Variants in CCDC50 observed in about 807,000 individuals in gnomAD.
The protein encoded by CCDC50 is coiled-coil domain-containing protein 50.
CCDC50 carries 54 observed loss-of-function variants against 70.2 expected under a neutral mutation model. The ratio of observed to expected loss-of-function variants is 0.77; its 90% CI spans 0.62 to 0.96. The LOEUF is 0.96. Ranked by LOEUF, CCDC50 falls within the 50% of genes least tolerant of loss-of-function variation. The probability of loss-of-function intolerance (pLI) is 0.00; values close to 1 mark genes in which losing one functional copy is unlikely to be tolerated. For synonymous variants in CCDC50, 216 were observed against 198.8 expected, an observed-to-expected ratio of 1.09 and a Z score of -0.73; for missense variants, 558 against 578.7, an observed-to-expected ratio of 0.96 and a Z score of 0.37.
rs752875351 is a variant in CCDC50, at chr3:191,375,474, C to T, written c.861C>T (p.Cys287=). 6 of 1,613,538 alleles carry T rather than the reference C, an allele frequency of 3.7e-6. No individual in the cohort carries two copies. In the African/African-American group the frequency reaches 8.0e-5, roughly 22 times the overall value. ...PKSSQKAGLH[C]KEVVYGRDHG... ...CCTCACAAAAAGCAGGGCTTCACTG[C>T]AAGGAAGTTGTATATGGGAGGGACC... The change falls in exon 6 of 12, where the codon TGC becomes TGT. Residue 287 remains cysteine, a synonymous_variant. Coordinates refer to ENST00000392455, the MANE Select transcript of CCDC50 (RefSeq NM_178335.3).
At chr3:191,377,360 G>A (rs1378919100) in intron 6 of CCDC50, among the ~76,000 whole-genome samples, 5 of 152,126 alleles carry the variant, frequency 3.3e-5, no homozygotes, top group African/African-American at 4.8e-5. Context: ...AGGATGACAC[G>A]GAGCTGGTTC....
chr3:191,334,434 A>C (rs1718078853), intron 1 of CCDC50, among the ~76,000 whole-genome samples: 1 of 152,190 alleles, frequency 6.6e-6, no homozygotes, highest in African/African-American at 2.4e-5. Context: ...ACACGTGGGA[A>C]ACCATAGTTA....
In CCDC50 at chr3:191,329,670, C is replaced by T. The variant is rs369650091; in HGVS notation, c.-5C>T. The T allele has an allele frequency of 4.4e-6, 7 of 1,608,692 alleles. No homozygotes were observed. The highest frequency in any genetic ancestry group is 5.9e-6 in the Non-Finnish European group (7 of 1,178,192). On this transcript the variant is annotated 5_prime_UTR_variant, in exon 1 of 12. Coordinates refer to ENST00000392455, the MANE Select transcript of CCDC50 (RefSeq NM_178335.3). Reference sequence around the variant, plus strand: ...TTAAAGGGGCAACCGGGACCCTGGCCCGGTATGGCTGAAGTCAGCATCGAC... The same window carrying T: ...TTAAAGGGGCAACCGGGACCCTGGCTCGGTATGGCTGAAGTCAGCATCGAC...
intron 10 of CCDC50, among the ~76,000 whole-genome samples, chr3:191,384,369 A>T (rs553102994): frequency 2.0e-5 from 3 of 152,294 alleles, no homozygotes; most frequent in Admixed American, 2.0e-4. Flanking sequence ...GCATATGTAG[A>T]TACCTTGCAC....
At chr3:191,332,199 T>C (rs1036891036) in intron 1 of CCDC50, among the ~76,000 whole-genome samples, 1 of 152,164 alleles carries the variant, frequency 6.6e-6, no homozygotes, top group Non-Finnish European at 1.5e-5. Context: ...TAAGGGGATA[T>C]TTAAAAATCT....
rs1050823916 is a variant in CCDC50, at chr3:191,395,453, G to A, written c.*3693G>A. 2.0e-5 allele frequency: 3 copies of A among 152,108 alleles called. No individual in the cohort carries two copies. Among genetic ancestry groups the A allele is most frequent in the Non-Finnish European group, 2.9e-5 (2 of 67,998 alleles). The allele number at this position is 152,108 out of a possible 1,614,324, so 9.4% of individuals were successfully genotyped here. Reference sequence around the variant, plus strand: ...ACATTTTAAGTCCTAGATTTTTTATGTCTTGCCTTTGTATAAGCATCGCTT... The same window carrying A: ...ACATTTTAAGTCCTAGATTTTTTATATCTTGCCTTTGTATAAGCATCGCTT... On this transcript the variant is annotated 3_prime_UTR_variant, in exon 12 of 12. Transcript: ENST00000392455.
In CCDC50 at chr3:191,395,607, A is replaced by T. The variant is rs894180406; in HGVS notation, c.*3847A>T. On this transcript the variant is annotated 3_prime_UTR_variant, in exon 12 of 12. Coordinates refer to ENST00000392455, the MANE Select transcript of CCDC50 (RefSeq NM_178335.3). ...GTGTAAACAGCTTTCTGAAGGACTG[A>T]TAATAGAATAGAACTTGCAGCCAAA... 2.0e-5 allele frequency: 3 copies of T among 152,198 alleles called. No individual in the cohort carries two copies. Among genetic ancestry groups the T allele is most frequent in the African/African-American group, 7.2e-5 (3 of 41,474 alleles). 9.4% of individuals were successfully genotyped at this position (152,198 alleles called of 1,614,324 possible).
At chr3:191,353,999 G>T (rs1436933128) in intron 1 of CCDC50, among the ~76,000 whole-genome samples, 1 of 152,114 alleles carries the variant, frequency 6.6e-6, no homozygotes, top group Non-Finnish European at 1.5e-5. Flanking sequence ...TCATTATGAG[G>T]AGTCATCAAG....
chr3:191,381,807 G>T (rs996672460), intron 9 of CCDC50, among the ~76,000 whole-genome samples: 1 of 152,018 alleles, frequency 6.6e-6, no homozygotes, highest in African/African-American at 2.4e-5. Flanking sequence ...GGTGTTTAGC[G>T]CTGGTCTCTC....
chr3:191,366,070 A>G (rs989606237), intron 4 of CCDC50, among the ~76,000 whole-genome samples: 26 of 152,160 alleles, frequency 1.7e-4, no homozygotes, highest in Admixed American at 1.6e-3. Context: ...TACTTGGGAA[A>G]GATGTGTGGG....
At chr3:191,331,128 AG>A (rs1389064539) in intron 1 of CCDC50, among the ~76,000 whole-genome samples, 1 of 152,044 alleles carries the variant, frequency 6.6e-6, no homozygotes, top group African/African-American at 2.4e-5. Flanking sequence ...TTTGGATATG[AG>A]GGTTTTTTGT....
rs1235777071 is a variant in CCDC50 at position 191,394,678 on chromosome 3, A to T, written c.*2918A>T. The stretch of plus-strand genomic sequence containing the variant: ...GCACAATATATGACGGAGCCTTATC[A>T]TAAGGCTGCTTGACATAGACACCCA... On this transcript the variant is annotated 3_prime_UTR_variant, in exon 12 of 12. Coordinates refer to ENST00000392455, the MANE Select transcript of CCDC50 (RefSeq NM_178335.3). The T allele has an allele frequency of 2.6e-5, 4 of 152,192 alleles. No homozygotes were observed. Among genetic ancestry groups the T allele is most frequent in the Non-Finnish European group, 4.4e-5 (3 of 68,008 alleles). The allele number at this position is 152,192 out of a possible 1,614,324, so 9.4% of individuals were successfully genotyped here. A position where few individuals can be genotyped will look rare whatever the true frequency, so the allele number is the denominator to read the frequency against.
chr3:191,362,388 G>C (rs185622923), intron 4 of CCDC50, among the ~76,000 whole-genome samples: 2 of 151,988 alleles, frequency 1.3e-5, no homozygotes, highest in African/African-American at 4.8e-5. Flanking sequence ...GCCTCCCAAA[G>C]CACTGGAATT....
Position 191,375,228 on chromosome 3 carries a change from A to T in CCDC50, c.615A>T (p.Ser205=). 6.2e-7 allele frequency: 1 copy of T among 1,613,820 alleles called. No homozygotes were observed. The highest frequency in any genetic ancestry group is 8.5e-7 in the Non-Finnish European group (1 of 1,179,820). ...ATTGTTCATCGAAGAGATCCCTGTC[A>T]TCCTCTAGCTCGGGCAAAGGGAGGG... ...EQHCSSKRSL[S]SSSSGKGRDN... The change falls in exon 6 of 12, where the codon TCA becomes TCT. Residue 205 remains serine (S), a synonymous_variant. Transcript: ENST00000392455.
In CCDC50 at chr3:191,387,603, A is replaced by G. The variant is rs142934748; in HGVS notation, c.1323-1893A>G. ...AGAGCATTCTAGATTGCTCTTAAGA[A>G]GTACTCTTAAGAAGTACTTAAGAAG... On this transcript the variant is annotated intron_variant, in intron 10 of 11. Transcript: ENST00000392455. Among the ~76,000 whole-genome samples, 506 of 149,054 alleles carry G rather than the reference A, an allele frequency of 3.4e-3. 4 individuals are homozygous for G. Among genetic ancestry groups the G allele is most frequent in the African/African-American group, 0.012 (484 of 38,740 alleles).
chr3:191,360,893 G>A (rs1187805935), intron 3 of CCDC50, among the ~76,000 whole-genome samples, 176 bp from the exon 4 acceptor site: 1 of 152,066 alleles, frequency 6.6e-6, no homozygotes, highest in African/African-American at 2.4e-5. Context: ...CTGGACCTTA[G>A]TTTTCTCATC....
chr3:191,392,729 T>TTTTTG lies in CCDC50; in HGVS notation c.*989_*993dup, dbSNP rs1173896181. The stretch of plus-strand genomic sequence containing the variant: ...AGTGGTCATCTATCCAAGTATTTGG[T>TTTTTG]TTTTGTTTTGTTTTGTTTTGTTTTT... On this transcript the variant is annotated 3_prime_UTR_variant, in exon 12 of 12. Transcript: ENST00000392455. The TTTTTG allele has an allele frequency of 1.3e-5, 2 of 152,102 alleles. No individual in the cohort carries two copies. Among genetic ancestry groups the TTTTTG allele is most frequent in the South Asian group, 2.1e-4 (1 of 4,814 alleles). 9.4% of individuals were successfully genotyped at this position (152,102 alleles called of 1,614,324 possible).
Position 191,389,481 on chromosome 3 carries a change from C to A in CCDC50, c.1323-15C>A. 6.2e-7 allele frequency: 1 copy of A among 1,604,640 alleles called. No individual in the cohort carries two copies. Among genetic ancestry groups the A allele is most frequent in the Non-Finnish European group, 8.5e-7 (1 of 1,171,294 alleles). Reference sequence around the variant, plus strand: ...GTTACTTAGAATGCCCCTTTAAATTCTGGATTCCTTTTAGGCCACCACCAC... The same window carrying A: ...GTTACTTAGAATGCCCCTTTAAATTATGGATTCCTTTTAGGCCACCACCAC... On this transcript the variant is annotated splice_polypyrimidine_tract_variant and intron_variant, in intron 10 of 11. Coordinates refer to ENST00000392455, the MANE Select transcript of CCDC50 (RefSeq NM_178335.3).
intron 1 of CCDC50, among the ~76,000 whole-genome samples, chr3:191,339,298 C>T (rs2108633594): frequency 6.6e-6 from 1 of 152,280 alleles, no homozygotes; most frequent in East Asian, 1.9e-4. Flanking sequence ...GAAGTTAACA[C>T]TGGTTAAAAA....
Sources: allele counts gnomAD v4.1 joint callset (sites outside exome capture counted in the v4.1 genomes callset), GRCh38; gene constraint gnomAD v4.1.1; transcripts MANE v1.5; gene names NCBI Gene and HGNC (gene_info 2026-07-23, HGNC 2026-07-21).